The following CDH8 variants were observed in gnomAD, a reference collection of about 807,000 sequenced individuals.
CDH8 encodes the protein cadherin 8, also known as cadherin-8.
Under a neutral mutation model 68.1 loss-of-function variants are expected in CDH8, and 17 were observed. The ratio of observed to expected loss-of-function variants is 0.25; its 90% CI spans 0.17 to 0.37. CDH8 has a LOEUF of 0.37. Among genes scored for constraint, CDH8 ranks in the 10% least tolerant of loss-of-function variants. The pLI is 1.00. For synonymous variants in CDH8, 372 were observed against 365.1 expected (o/e 1.02, Z -0.21); for missense variants, 763 against 999.3 (o/e 0.76, Z 3.19).
At chr16:61,695,022 C>T (rs935502905) in intron 10 of CDH8, among the ~76,000 whole-genome samples, 1 of 151,934 alleles carries the variant, frequency 6.6e-6, no homozygotes, top group African/African-American at 2.4e-5. Flanking sequence ...CCGCGTGATC[C>T]CCCGCCTCAG....
chr16:61,817,390 AG>A, intron 7 of CDH8, 88 bp downstream of exon 7: 1 of 1,279,934 alleles, frequency 7.8e-7, no homozygotes, highest in South Asian at 1.2e-5. Context: ...AGTCCCAAGG[AG>A]AGCCCCACAG....
chr16:61,752,532 T>C (rs1284045894), intron 8 of CDH8, among the ~76,000 whole-genome samples: 1 of 152,170 alleles, frequency 6.6e-6, no homozygotes, highest in Non-Finnish European at 1.5e-5. Flanking sequence ...TTGTAGGATA[T>C]TTTATTTTCT....
chr16:62,021,415 T>C lies in CDH8; in HGVS notation c.-12A>G. The C allele has an allele frequency of 1.3e-6, 2 of 1,583,382 alleles. No individual in the cohort carries two copies. The highest frequency in any genetic ancestry group is 1.1e-5 in the South Asian group (1 of 87,056). The stretch of plus-strand genomic sequence containing the variant: ...AGCCGTTCTGGCATGGTCCCACCAG[T>C]TAAGCAAATCACCACGAAAATGAGA... On this transcript the variant is annotated 5_prime_UTR_variant, in exon 2 of 12. Transcript: ENST00000577390.
At chr16:61,860,017 T>C (rs898439043) in intron 3 of CDH8, among the ~76,000 whole-genome samples, 10 of 152,142 alleles carry the variant, frequency 6.6e-5, no homozygotes, top group Admixed American at 3.3e-4. Flanking sequence ...CTAATTTTTG[T>C]ATTTTTAGTA....
intron 2 of CDH8, chr16:61,918,577 T>C (rs111882896): frequency 0.11 from 17,484 of 153,034 alleles, 1,314 homozygotes; most frequent in East Asian, 0.29. Flanking sequence ...AAAATCGGGT[T>C]ACTCCCACCC....
intron 9 of CDH8, chr16:61,725,294 C>T (rs982433011): frequency 4.6e-5 from 7 of 150,726 alleles, no homozygotes; most frequent in African/African-American, 1.7e-4. Context: ...ATCATTAGAA[C>T]TTTGAAAACA....
chr16:61,994,204 C>T (rs1054085835), intron 2 of CDH8, among the ~76,000 whole-genome samples: 5 of 152,192 alleles, frequency 3.3e-5, no homozygotes, highest in Non-Finnish European at 7.3e-5. Flanking sequence ...CACTCTTACC[C>T]TTTCCTCTTG....
chr16:61,750,515 T>C (rs527639914), intron 8 of CDH8, among the ~76,000 whole-genome samples: 11 of 152,244 alleles, frequency 7.2e-5, no homozygotes, highest in Middle Eastern at 3.4e-3. Context: ...TTATAATAAT[T>C]TTCCATCTCA....
chr16:61,885,932 T>C (rs1963664269), intron 3 of CDH8, among the ~76,000 whole-genome samples: 1 of 152,146 alleles, frequency 6.6e-6, no homozygotes, highest in African/African-American at 2.4e-5. Flanking sequence ...TATAAATGGA[T>C]GGAAGAGTGA....
rs190675945 is a variant in CDH8, at chr16:61,752,781, C to T, written c.1415-25566G>A. ...TGATACAGTGCATGCTACAAGTTTA[C>T]GAGTATTACAGAAAAGTGTAACATG... On this transcript the variant is annotated intron_variant, in intron 8 of 11. Coordinates refer to ENST00000577390, the MANE Select transcript of CDH8 (RefSeq NM_001796.5). Among the ~76,000 whole-genome samples the T allele has an allele frequency of 4.1e-3, 619 of 152,262 alleles. 5 individuals are homozygous for T. Among genetic ancestry groups the T allele is most frequent in the African/African-American group, 0.014 (589 of 41,554 alleles).
At chr16:61,688,250 T>C (rs1964146430) in intron 10 of CDH8, among the ~76,000 whole-genome samples, 1 of 152,018 alleles carries the variant, frequency 6.6e-6, no homozygotes. Context: ...CTAATTTACA[T>C]TCTGTTATTT....
intron 10 of CDH8, among the ~76,000 whole-genome samples, chr16:61,673,147 G>C (rs1313533357): frequency 6.6e-6 from 1 of 152,094 alleles, no homozygotes; most frequent in African/African-American, 2.4e-5. Flanking sequence ...AGTAGGTGCT[G>C]TTAAATAGCA....
chr16:61,839,944 A>G (rs940434826), intron 4 of CDH8, among the ~76,000 whole-genome samples: 3 of 152,014 alleles, frequency 2.0e-5, no homozygotes, highest in Non-Finnish European at 2.9e-5. Context: ...TTTGTTTTCT[A>G]TATGTGCTTT....
intron 4 of CDH8, among the ~76,000 whole-genome samples, chr16:61,854,221 C>T (rs904363932): frequency 6.6e-6 from 1 of 151,864 alleles, no homozygotes; most frequent in Non-Finnish European, 1.5e-5. Context: ...TTAAGGATTT[C>T]CATGCAGTTA....
intron 2 of CDH8, among the ~76,000 whole-genome samples, chr16:61,915,753 G>T (rs1964229476): frequency 1.3e-5 from 2 of 152,160 alleles, no homozygotes; most frequent in Admixed American, 6.6e-5. Flanking sequence ...ACAGCACAGG[G>T]TCTGACGTCA....
intron 4 of CDH8, among the ~76,000 whole-genome samples, chr16:61,826,988 T>G (rs1052237871): frequency 6.6e-6 from 1 of 151,672 alleles, no homozygotes; most frequent in African/African-American, 2.4e-5. Context: ...ACCTATATAG[T>G]TAGAAATAAA....
chr16:61,883,109 C>T (rs999219459), intron 3 of CDH8, among the ~76,000 whole-genome samples: 44 of 152,218 alleles, frequency 2.9e-4, no homozygotes, highest in African/African-American at 1.1e-3. Context: ...GCTTTGTGCT[C>T]CTTGGAGGCA....
Position 61,652,269 on chromosome 16 carries a change from T to G in CDH8, c.*1339A>C. The G allele has an allele frequency of 1.0e-6, 1 of 985,100 alleles. No homozygotes were observed. Among genetic ancestry groups the G allele is most frequent in the Non-Finnish European group, 1.2e-6 (1 of 829,672 alleles). The allele number at this position is 985,100 out of a possible 1,614,324, so 61.0% of individuals were successfully genotyped here. ...TGTGCATCACCATGAAGATCAGGGATAGGAGTGCTAAAAACGTAAACAGTG... is the reference window on the plus strand; with the variant it reads ...TGTGCATCACCATGAAGATCAGGGAGAGGAGTGCTAAAAACGTAAACAGTG... On this transcript the variant is annotated 3_prime_UTR_variant, in exon 12 of 12. Coordinates refer to ENST00000577390, the MANE Select transcript of CDH8 (RefSeq NM_001796.5).
At chr16:61,666,389 AT>A (rs1210067521) in intron 10 of CDH8, among the ~76,000 whole-genome samples, 1 of 151,906 alleles carries the variant, frequency 6.6e-6, no homozygotes, top group Non-Finnish European at 1.5e-5. Context: ...CTTTCCACAT[AT>A]TTTTTAGATA....
Sources: gnomAD v4.1 joint callset for allele counts (sites outside exome capture counted in the v4.1 genomes callset) on GRCh38, gnomAD v4.1.1 for gene constraint, MANE v1.5 for transcripts, NCBI Gene and HGNC (gene_info 2026-07-23, HGNC 2026-07-21) for gene names.